SHCBP1L: variants seen among roughly 807,000 people sequenced by gnomAD.
SHCBP1L encodes the protein SHC binding and spindle associated 1 like.
A neutral mutation model predicts 62.5 loss-of-function variants in SHCBP1L; 67 were observed. The observed-to-expected ratio is 1.07, with a 90% CI of 0.88 to 1.31. SHCBP1L has a LOEUF of 1.31. Among genes scored for constraint, SHCBP1L ranks in the 40% most tolerant of loss-of-function variants. SHCBP1L has a pLI of 0.00. For missense variants in SHCBP1L, 823 were observed against 809.8 expected, an observed-to-expected ratio of 1.02 and a Z score of -0.20; for synonymous variants, 284 against 289.4, an observed-to-expected ratio of 0.98 and a Z score of 0.19.
chr1:182,925,028 G>GAGGAAGGGAAGGAAGGGAAGAAAGGGA lies in SHCBP1L; in HGVS notation c.1182+4592_1182+4618dup, dbSNP rs1650695921. 5.0e-5 allele frequency among the ~76,000 whole-genome samples: 7 copies of GAGGAAGGGAAGGAAGGGAAGAAAGGGA among 140,024 alleles called. 1 individual carries two copies. The highest frequency in any genetic ancestry group is 1.5e-5 in the Non-Finnish European group (1 of 65,704). The allele number at this position is 140,024 out of a possible 152,430, so 91.9% of individuals were successfully genotyped here. On this transcript the variant is annotated intron_variant, in intron 6 of 9. Coordinates refer to ENST00000367547, the MANE Select transcript of SHCBP1L (RefSeq NM_030933.4). ...AGAAAGGAAGGAAGGGGAGGAAGGG[G>GAGGAAGGGAAGGAAGGGAAGAAAGGGA]AGGAAGGGAAGGAAGGGAAGAAAGG...
At chr1:182,948,590 A>G (rs961437000) in intron 2 of SHCBP1L, among the ~76,000 whole-genome samples, 1 of 152,226 alleles carries the variant, frequency 6.6e-6, no homozygotes, top group African/African-American at 2.4e-5. Flanking sequence ...AGCCTTGCAT[A>G]CACCTTGATT....
chr1:182,924,630 C>G (rs1008227855), intron 6 of SHCBP1L, among the ~76,000 whole-genome samples: 1 of 147,212 alleles, frequency 6.8e-6, no homozygotes, highest in African/African-American at 2.5e-5. Flanking sequence ...ACCATGCTGA[C>G]CAAAGCAATG....
chr1:182,925,190 C>T (rs1650704720), intron 6 of SHCBP1L, among the ~76,000 whole-genome samples: 1 of 151,918 alleles, frequency 6.6e-6, no homozygotes, highest in South Asian at 2.1e-4. Context: ...CACGGACAGG[C>T]AATGCTCCTA....
rs367560408 is a variant in SHCBP1L, at chr1:182,940,510, G to A, written c.589C>T (p.Arg197Cys). Residue 197 changes from arginine to cysteine, a missense_variant, in exon 3 of 10, where the codon CGT becomes TGT. Arg to Cys is a radical substitution (Grantham distance 180). Coordinates refer to ENST00000367547, the MANE Select transcript of SHCBP1L (RefSeq NM_030933.4). ...GCAACAGAAACAGTAACTTTGAAAC[G>A]AGATGATGAGTCTTGGTATGGTTCA... ...TCEPYQDSSSRFKVTVSVAEP... is the reference protein window; with the variant it reads ...TCEPYQDSSSCFKVTVSVAEP... 6 of 1,613,878 alleles carry A rather than the reference G, an allele frequency of 3.7e-6. No individual in the cohort carries two copies. The highest frequency in any genetic ancestry group is 1.1e-5 in the South Asian group (1 of 91,060).
At chr1:182,901,889 A>G (rs940153868) in intron 9 of SHCBP1L, among the ~76,000 whole-genome samples, 2 of 152,210 alleles carry the variant, frequency 1.3e-5, no homozygotes, top group African/African-American at 2.4e-5. Context: ...CTACTGAATC[A>G]GAAAGCAGAG....
In SHCBP1L at chr1:182,940,459, T is replaced by A. The variant is rs1382594969; in HGVS notation, c.640A>T (p.Asn214Tyr). The A allele has an allele frequency of 3.1e-6, 5 of 1,613,858 alleles. No homozygotes were observed. The highest frequency in any genetic ancestry group is 1.1e-5 in the South Asian group (1 of 91,082). The change falls in exon 3 of 10, where the codon AAT becomes TAT. Residue 214 changes from asparagine (N) to tyrosine (Y), a missense_variant. By Grantham distance (143) the Asn-to-Tyr change is moderately radical. Transcript: ENST00000367547. ...VAEPFSSNIANIPRDLVDEIL... is the reference protein window; with the variant it reads ...VAEPFSSNIAYIPRDLVDEIL... Reference sequence around the variant, plus strand: ...TCATCAACCAAATCTCTTGGAATATTTGCAATGTTGGAAGAAAAGGGCTCA... The same window carrying A: ...TCATCAACCAAATCTCTTGGAATATATGCAATGTTGGAAGAAAAGGGCTCA...
At chr1:182,950,473 A>C (rs1651710155) in intron 2 of SHCBP1L, 1 of 151,874 alleles carries the variant, frequency 6.6e-6, no homozygotes, top group Non-Finnish European at 1.5e-5. Context: ...TAAAGATCAC[A>C]AGGTTAGGAG....
At chr1:182,930,582 T>C (rs1287263275) in intron 5 of SHCBP1L, among the ~76,000 whole-genome samples, 2 of 121,490 alleles carry the variant, frequency 1.6e-5, no homozygotes, top group East Asian at 2.2e-4. Context: ...TATATATATA[T>C]ATATATATAT....
intron 2 of SHCBP1L, among the ~76,000 whole-genome samples, chr1:182,948,448 C>G: frequency 6.6e-6 from 1 of 152,084 alleles, no homozygotes; most frequent in East Asian, 1.9e-4. Flanking sequence ...TGCAGTGAAG[C>G]AGAAAGATGC....
At chr1:182,913,542 A>G (rs1001982063) in intron 6 of SHCBP1L, among the ~76,000 whole-genome samples, 1 of 152,264 alleles carries the variant, frequency 6.6e-6, no homozygotes, top group Non-Finnish European at 1.5e-5. Context: ...TAACAAAGGC[A>G]GAAAAAATAC....
chr1:182,915,192 A>AAAAG (rs1571341045), intron 6 of SHCBP1L, among the ~76,000 whole-genome samples: 1 of 146,790 alleles, frequency 6.8e-6, no homozygotes, highest in Non-Finnish European at 1.5e-5. Context: ...AAAAAAAAAA[A>AAAAG]AAAGAATCTC....
chr1:182,904,542 T>TGTGC, intron 7 of SHCBP1L, 112 bp from the exon 8 acceptor site: 1 of 643,634 alleles, frequency 1.6e-6, no homozygotes, highest in Admixed American at 3.2e-5. Flanking sequence ...TGCGTGTGTG[T>TGTGC]GTGTGTGTGT....
intron 1 of SHCBP1L, 117 bp downstream of exon 1, chr1:182,952,612 C>T (rs1186765877): frequency 1.6e-6 from 2 of 1,263,182 alleles, no homozygotes; most frequent in African/African-American, 1.6e-5. Flanking sequence ...TTTTTTGAAA[C>T]GCAAGTTTTC....
chr1:182,939,690 G>T, intron 3 of SHCBP1L, 137 bp from the exon 4 acceptor site: 2 of 639,526 alleles, frequency 3.1e-6, no homozygotes, highest in Non-Finnish European at 5.1e-6. Flanking sequence ...ACCTTTGAGT[G>T]AACTAAAAGG....
At chr1:182,913,823 A>C (rs1650267830) in intron 6 of SHCBP1L, among the ~76,000 whole-genome samples, 1 of 152,218 alleles carries the variant, frequency 6.6e-6, no homozygotes, top group African/African-American at 2.4e-5. Flanking sequence ...TCTACTAAAA[A>C]TACAAAAATT....
intron 7 of SHCBP1L, 102 bp from the exon 8 acceptor site, chr1:182,904,532 T>TGA: frequency 4.0e-5 from 44 of 1,096,020 alleles, no homozygotes; most frequent in East Asian, 1.8e-4. Flanking sequence ...TTTCCCTGTG[T>TGA]GCGTGTGTGT....
chr1:182,941,428 CCA>C (rs1164646660), intron 2 of SHCBP1L, among the ~76,000 whole-genome samples: 4 of 151,772 alleles, frequency 2.6e-5, no homozygotes, highest in Admixed American at 6.6e-5. Flanking sequence ...TAAAGTTATT[CCA>C]GTGACTTTCC....
intron 2 of SHCBP1L, among the ~76,000 whole-genome samples, chr1:182,945,959 C>G (rs1413460386): frequency 2.0e-5 from 3 of 151,350 alleles, no homozygotes; most frequent in Admixed American, 2.0e-4. Flanking sequence ...ACTCGGGAGG[C>G]TGAGGCATGA....
At chr1:182,952,235 T>TATAC (rs1651796265) in intron 1 of SHCBP1L, among the ~76,000 whole-genome samples, 69 of 42,792 alleles carry the variant, frequency 1.6e-3, no homozygotes, top group Non-Finnish European at 1.8e-3. Flanking sequence ...TATATATATA[T>TATAC]ACACACACAC....
Sources: allele counts gnomAD v4.1 joint callset (sites outside exome capture counted in the v4.1 genomes callset), GRCh38; gene constraint gnomAD v4.1.1; transcripts MANE v1.5; gene names NCBI Gene and HGNC (gene_info 2026-07-23, HGNC 2026-07-21).